Variants in COL4A5 observed in about 807,000 individuals in gnomAD.
COL4A5 encodes the protein collagen type IV alpha 5 chain.
Under a neutral mutation model 130.2 loss-of-function variants are expected in COL4A5, and 26 were observed. The observed-to-expected ratio is 0.20, with a 90% CI of 0.15 to 0.28. COL4A5 has a LOEUF of 0.28. Ranked by LOEUF, COL4A5 falls within the 10% of genes least tolerant of loss-of-function variation. The pLI, the probability that COL4A5 is intolerant of heterozygous loss-of-function variation, is 1.00. For missense variants in COL4A5, 1,131 were observed against 1,344.3 expected (o/e 0.84, Z 2.48); for synonymous variants, 496 against 439.6 (o/e 1.13, Z -1.60).
chrX:108,696,231 T>C, intron 52 of COL4A5, 66 bp from the exon 53 acceptor site: 1 of 912,066 alleles, frequency 1.1e-6, no homozygotes, highest in Non-Finnish European at 1.6e-6. Flanking sequence ...GTTATAAATT[T>C]GAACCAGTAA....
chrX:108,515,352 A>G (rs1294441226), intron 1 of COL4A5, among the ~76,000 whole-genome samples: 2 of 112,054 alleles, frequency 1.8e-5, no homozygotes, highest in Non-Finnish European at 3.8e-5. Context: ...AATATCAAGT[A>G]TAACCTCATG....
At chrX:108,600,035 G>A (rs901149379) in intron 25 of COL4A5, among the ~76,000 whole-genome samples, 3 of 111,755 alleles carry the variant, frequency 2.7e-5, no homozygotes, top group Non-Finnish European at 5.6e-5. Flanking sequence ...TTGTATTGTC[G>A]GACTTTTACA....
At chrX:108,648,169 C>G (rs1002019049) in intron 36 of COL4A5, among the ~76,000 whole-genome samples, 1 of 110,846 alleles carries the variant, frequency 9.0e-6, no homozygotes, top group Non-Finnish European at 1.9e-5. Flanking sequence ...CCAGCTCCTC[C>G]TTGTACCTCT....
chrX:108,465,117 A>G (rs773780167), intron 1 of COL4A5, among the ~76,000 whole-genome samples: 30 of 112,006 alleles, frequency 2.7e-4, no homozygotes, highest in Non-Finnish European at 4.3e-4. Context: ...ATATTTGTGT[A>G]CAAGTCATTT....
At chrX:108,574,911 C>T (rs2066120235) in intron 9 of COL4A5, among the ~76,000 whole-genome samples, 3 of 110,973 alleles carry the variant, frequency 2.7e-5, no homozygotes, top group African/African-American at 9.9e-5. Context: ...CCTCAGCTTC[C>T]TGAGTAGCTG....
rs776024867 is a variant in COL4A5 at position 108,646,962 on chromosome X, C to T, written c.3247-8369C>T. On this transcript the variant is annotated intron_variant, in intron 36 of 52. Transcript: ENST00000328300. Reference sequence around the variant, plus strand: ...TATATCTCTGTTTTGGTACCAGTACCATGCTGTTTTGGTGACTGTAGCCTT... The same window carrying T: ...TATATCTCTGTTTTGGTACCAGTACTATGCTGTTTTGGTGACTGTAGCCTT... 1.5e-3 allele frequency among the ~76,000 whole-genome samples: 163 copies of T among 110,140 alleles called. 1 individual carries two copies. Among genetic ancestry groups the T allele is most frequent in the Middle Eastern group, 4.6e-3 (1 of 216 alleles).
chrX:108,598,960 T>C, intron 25 of COL4A5, 90 bp downstream of exon 25: 1 of 927,209 alleles, frequency 1.1e-6, no homozygotes, highest in African/African-American at 1.9e-5. Context: ...TCCCGAGAGG[T>C]GTGTTTCCCT....
Position 108,666,501 on chromosome X carries a change from G to A in COL4A5, c.3460G>A (p.Gly1154Arg). ...TGCTGTACTCAATTTTTTAGGTGGTGGAGGTCATCCTGGGCAACCAGGGCC... is the reference window on the plus strand; with the variant it reads ...TGCTGTACTCAATTTTTTAGGTGGTAGAGGTCATCCTGGGCAACCAGGGCC... Reference protein sequence around the residue: ...LPGEPGPVGGGGHPGQPGPPG... With the variant: ...LPGEPGPVGGRGHPGQPGPPG... Residue 1154 changes from glycine (G) to arginine (R), a missense_variant, in exon 39 of 53, where the codon GGA becomes AGA. By Grantham distance (125) the Gly-to-Arg change is moderately radical. Transcript: ENST00000328300. 3 of 1,204,386 alleles carry A rather than the reference G, an allele frequency of 2.5e-6. No homozygotes were observed. The highest frequency in any genetic ancestry group is 3.4e-6 in the Non-Finnish European group (3 of 891,060).
chrX:108,639,742 T>G (rs1462411193), intron 36 of COL4A5, among the ~76,000 whole-genome samples: 1 of 112,156 alleles, frequency 8.9e-6, no homozygotes, highest in Non-Finnish European at 1.9e-5. Context: ...GAATAGACCT[T>G]TCTTCAAAGA....
At chrX:108,478,127 C>G (rs767711697) in intron 1 of COL4A5, among the ~76,000 whole-genome samples, 9 of 111,461 alleles carry the variant, frequency 8.1e-5, no homozygotes, top group Admixed American at 1.9e-4. Context: ...CATGCATACT[C>G]TTTCTTACCT....
chrX:108,631,846 T>G (rs944333473), intron 36 of COL4A5, among the ~76,000 whole-genome samples: 23 of 111,212 alleles, frequency 2.1e-4, no homozygotes, highest in Non-Finnish European at 4.3e-4. Context: ...AGAGGGAAAT[T>G]TATAGCACTA....
At chrX:108,536,854 G>A (rs1200660247) in intron 1 of COL4A5, among the ~76,000 whole-genome samples, 1 of 111,728 alleles carries the variant, frequency 9.0e-6, no homozygotes, top group Admixed American at 9.5e-5. Context: ...AACAGCCAAA[G>A]AGTATGGAAA....
Position 108,598,880 on chromosome X carries a change from C to T in COL4A5, c.1948+10C>T. On this transcript the variant is annotated intron_variant, in intron 25 of 52. Transcript: ENST00000328300. ...CAGCCAGGAATACCAGGTAAGTTTA[C>T]TGTGTTTTGTTTTAAACTTGGTGCT... 1 of 1,209,595 alleles carries T rather than the reference C, an allele frequency of 8.3e-7. No individual in the cohort carries two copies. Among genetic ancestry groups the T allele is most frequent in the South Asian group, 1.8e-5 (1 of 56,890 alleles).
intron 1 of COL4A5, among the ~76,000 whole-genome samples, chrX:108,518,487 C>G (rs186122626): frequency 1.2e-3 from 129 of 110,926 alleles, no homozygotes; most frequent in Middle Eastern, 4.6e-3. Context: ...TTTGGGCTCA[C>G]TTTTTATCAA....
At chrX:108,526,320 G>A (rs1422085347) in intron 1 of COL4A5, among the ~76,000 whole-genome samples, 1 of 111,636 alleles carries the variant, frequency 9.0e-6, no homozygotes, top group Non-Finnish European at 1.9e-5. Flanking sequence ...CTGTATGTTC[G>A]TAGGACAATA....
At position 108,687,554 on chromosome X, in the gene COL4A5, C is replaced by CT. The variant is rs1569508360; in HGVS notation, c.4389dup (p.Val1464CysfsTer28). On this transcript the variant is annotated frameshift_variant, in exon 49 of 53. Transcript: ENST00000328300. LOFTEE classifies it high-confidence loss of function. ...CCCCCAGGTCCCCCTGGAACCTCCT[C>CT]TGTTGCACATGGATTTCTTATTACA... is the stretch of plus-strand genomic sequence containing the variant. 1 of 1,211,811 alleles carries CT rather than the reference C, an allele frequency of 8.3e-7. No individual in the cohort carries two copies.
At chrX:108,521,845 C>T (rs2065268317) in intron 1 of COL4A5, among the ~76,000 whole-genome samples, 1 of 110,912 alleles carries the variant, frequency 9.0e-6, no homozygotes, top group African/African-American at 3.3e-5. Flanking sequence ...TACATTTTAC[C>T]CATTTAAAGT....
rs2068619295 is a variant in COL4A5, at chrX:108,689,985, TGGGCCTTCC to T, written c.4528+2292_4528+2300del. The T allele has an allele frequency of 6.7e-5, 50 of 751,402 alleles. No individual in the cohort carries two copies. The South Asian group carries it at 2.7e-3, about 40-fold the overall frequency. The allele number at this position is 751,402 out of a possible 1,213,427, so 61.9% of individuals were successfully genotyped here. ...GATACTCCAGATACTTCCATCATTA[TGGGCCTTCC>T]TTTTATTTACCTTTCTTTTCCTTAC... On this transcript the variant is annotated intron_variant, in intron 49 of 52. Transcript: ENST00000328300.
At position 108,573,610 on chromosome X, in the gene COL4A5, G is replaced by A; in HGVS notation, c.502G>A (p.Gly168Arg). 1.7e-6 allele frequency: 2 copies of A among 1,206,166 alleles called. No individual in the cohort carries two copies. The highest frequency in any genetic ancestry group is 2.2e-6 in the Non-Finnish European group (2 of 890,588). ...TAGTATAATTATGTCATCACTGCCAGGACCAAAGGGTAATCCAGGATATCC... is the reference window on the plus strand; with the variant it reads ...TAGTATAATTATGTCATCACTGCCAAGACCAAAGGGTAATCCAGGATATCC... ...PGSIIMSSLP[G>R]PKGNPGYPGP... Residue 168 changes from glycine to arginine, a missense_variant, in exon 9 of 53, where the codon GGA becomes AGA. Physicochemically the swap from Gly to Arg is moderately radical, Grantham distance 125 (BLOSUM62 -2). Coordinates refer to ENST00000328300, the MANE Select transcript of COL4A5 (RefSeq NM_033380.3).
Sources: gnomAD v4.1 joint callset for allele counts (sites outside exome capture counted in the v4.1 genomes callset) on GRCh38, gnomAD v4.1.1 for gene constraint, MANE v1.5 for transcripts, NCBI Gene and HGNC (gene_info 2026-07-23, HGNC 2026-07-21) for gene names.